ATP11B: variants seen among roughly 807,000 people sequenced by gnomAD.
ATP11B encodes the protein ATPase phospholipid transporting 11B (putative).
Under a neutral mutation model 157.8 loss-of-function variants are expected in ATP11B, and 81 were observed. That is an observed-to-expected ratio of 0.51 (90% CI 0.43 to 0.62). The LOEUF is 0.62. Among genes scored for constraint, ATP11B ranks in the 20% least tolerant of loss-of-function variants. The pLI is 0.00. For synonymous variants in ATP11B, 451 were observed against 469.4 expected (o/e 0.96, Z 0.51); for missense variants, 1,165 against 1,402.2 (o/e 0.83, Z 2.70).
At chr3:182,914,120 ATTTATTAGCACTC>A in intron 29 of ATP11B, 126 bp downstream of exon 29, 1 of 1,514,216 alleles carries the variant, frequency 6.6e-7, no homozygotes, top group Non-Finnish European at 8.8e-7. Flanking sequence ...GAAGTCTGCT[ATTTATTAGCACTC>A]TTTGGTGGTA....
Position 182,920,747 on chromosome 3 carries a change from C to T in ATP11B, c.*2643C>T, listed in dbSNP as rs970843684. ...CAGCTTCAGCAGGCGTAGGCTCACC[C>T]TGGGCGGAGCAAAGTATGGGCCAGG... On this transcript the variant is annotated 3_prime_UTR_variant, in exon 30 of 30. Transcript: ENST00000323116. 2.0e-5 allele frequency: 3 copies of T among 152,262 alleles called. No individual in the cohort carries two copies. The highest frequency in any genetic ancestry group is 4.4e-5 in the Non-Finnish European group (3 of 68,068). The allele number at this position is 152,262 out of a possible 1,614,324, so 9.4% of individuals were successfully genotyped here.
chr3:182,878,780 C>T (rs1722224677), intron 19 of ATP11B, among the ~76,000 whole-genome samples: 2 of 152,154 alleles, frequency 1.3e-5, no homozygotes, highest in African/African-American at 2.4e-5. Flanking sequence ...TTATGCATAT[C>T]GTGAATCTTG....
intron 28 of ATP11B, among the ~76,000 whole-genome samples, chr3:182,907,100 A>G (rs1378122202): frequency 6.6e-6 from 1 of 152,040 alleles, no homozygotes; most frequent in Non-Finnish European, 1.5e-5. Context: ...CTCAAAAAAA[A>G]AAAAAAAGAA....
chr3:182,848,221 A>C (rs1425808397), intron 9 of ATP11B, among the ~76,000 whole-genome samples: 2 of 152,116 alleles, frequency 1.3e-5, no homozygotes, highest in Non-Finnish European at 2.9e-5. Flanking sequence ...TCAAGTAATA[A>C]ATTTTTCATT....
In ATP11B at chr3:182,913,906, T is replaced by C. The variant is rs1724968763; in HGVS notation, c.3364T>C (p.Cys1122Arg). The change falls in exon 29 of 30, where the codon TGT becomes CGT. Residue 1122 changes from cysteine to arginine, a missense_variant. By Grantham distance (180) the Cys-to-Arg change is radical. Coordinates refer to ENST00000323116, the MANE Select transcript of ATP11B (RefSeq NM_014616.3). ...AGIKCLDSMC[C>R]FPEGEAACAS... ...TATCAAGTGCTTGGACTCCATGTGCTGTTTCCCGGAAGGAGAAGCAGCGTG... is the reference window on the plus strand; with the variant it reads ...TATCAAGTGCTTGGACTCCATGTGCCGTTTCCCGGAAGGAGAAGCAGCGTG... The C allele has an allele frequency of 6.2e-7, 1 of 1,614,036 alleles. No individual in the cohort carries two copies. Among genetic ancestry groups the C allele is most frequent in the African/African-American group, 1.3e-5 (1 of 74,934 alleles).
chr3:182,802,606 G>C (rs894274313), intron 1 of ATP11B, among the ~76,000 whole-genome samples: 4 of 151,976 alleles, frequency 2.6e-5, no homozygotes, highest in African/African-American at 9.7e-5. Flanking sequence ...TGGCTCCTTC[G>C]CTCCTTTCAA....
intron 17 of ATP11B, among the ~76,000 whole-genome samples, chr3:182,871,832 T>C (rs1242708127): frequency 6.6e-6 from 1 of 152,146 alleles, no homozygotes; most frequent in African/African-American, 2.4e-5. Context: ...TTTTTTTTTT[T>C]TGAGACAGAG....
chr3:182,828,766 T>A (rs1413609778), intron 3 of ATP11B, among the ~76,000 whole-genome samples: 1 of 151,736 alleles, frequency 6.6e-6, no homozygotes, highest in African/African-American at 2.4e-5. Context: ...AATTTTCACC[T>A]TGTGCTTAAA....
intron 10 of ATP11B, among the ~76,000 whole-genome samples, chr3:182,852,689 C>G (rs1225171945): frequency 1.3e-5 from 2 of 152,228 alleles, no homozygotes; most frequent in East Asian, 3.8e-4. Flanking sequence ...CCTTACCCGT[C>G]TCCCGCATAT....
intron 7 of ATP11B, among the ~76,000 whole-genome samples, chr3:182,839,855 C>T (rs1371086187): frequency 2.0e-5 from 3 of 152,102 alleles, no homozygotes; most frequent in African/African-American, 4.8e-5. Flanking sequence ...TCAAGTGATC[C>T]GCCCACTTCA....
chr3:182,833,424 C>G (rs568709591), intron 4 of ATP11B, among the ~76,000 whole-genome samples: 2 of 152,262 alleles, frequency 1.3e-5, no homozygotes, highest in South Asian at 4.1e-4. Flanking sequence ...CTCCCAGGCT[C>G]AGGTGATCCT....
intron 17 of ATP11B, among the ~76,000 whole-genome samples, chr3:182,870,860 G>T (rs139191981): frequency 5.3e-5 from 8 of 151,046 alleles, no homozygotes; most frequent in Admixed American, 3.3e-4. Context: ...CATAGGAGGC[G>T]GAGCTTGCAG....
At chr3:182,861,237 G>C (rs190841992) in intron 12 of ATP11B, among the ~76,000 whole-genome samples, 2 of 151,934 alleles carry the variant, frequency 1.3e-5, no homozygotes, top group Admixed American at 6.6e-5. Context: ...GGCTAATTTT[G>C]TATTTTTAGT....
chr3:182,880,979 T>C lies in ATP11B; in HGVS notation c.2507T>C (p.Ile836Thr). Residue 836 changes from isoleucine to threonine, a missense_variant and splice_region_variant, in exon 21 of 30, where the codon ATA becomes ACA. Ile to Thr is a moderately conservative substitution (Grantham distance 89, BLOSUM62 -1). This residue lies in a region of ATP11B where 737 missense variants were observed against 930.5 expected (regional missense o/e 0.79). Transcript: ENST00000323116. ...ATGATACAAGAAGCCCATGTTGGCA[T>C]AGGTGATTGATTCTTCCTGAAAAGT... ...VSMIQEAHVG[I>T]GIMGKEGRQA... 2 of 1,582,558 alleles carry C rather than the reference T, an allele frequency of 1.3e-6. No homozygotes were observed. The highest frequency in any genetic ancestry group is 1.7e-6 in the Non-Finnish European group (2 of 1,168,220).
At chr3:182,811,345 T>C (rs1292897548) in intron 1 of ATP11B, among the ~76,000 whole-genome samples, 1 of 152,196 alleles carries the variant, frequency 6.6e-6, no homozygotes, top group Admixed American at 6.5e-5. Flanking sequence ...TTCAAAGGGA[T>C]TTTTGCAAAC....
chr3:182,905,665 G>A (rs1724294344), intron 28 of ATP11B: 1 of 415,678 alleles, frequency 2.4e-6, no homozygotes, highest in Non-Finnish European at 4.9e-6. Context: ...GACAGTAAAT[G>A]TACTGTTCTT....
intron 21 of ATP11B, among the ~76,000 whole-genome samples, 182 bp downstream of exon 21, chr3:182,881,163 T>A (rs1291765719): frequency 6.6e-6 from 1 of 152,154 alleles, no homozygotes; most frequent in Non-Finnish European, 1.5e-5. Context: ...AGGCCGGGCG[T>A]GGTGGCTCAC....
At chr3:182,882,565 T>C (rs1213131173) in intron 21 of ATP11B, among the ~76,000 whole-genome samples, 1 of 151,200 alleles carries the variant, frequency 6.6e-6, no homozygotes, top group Non-Finnish European at 1.5e-5. Flanking sequence ...AAATTCAAGA[T>C]GGATTAGGAT....
At position 182,898,590 on chromosome 3, in the gene ATP11B, AT is replaced by A. The variant is rs759547968; in HGVS notation, c.3153-13del. The stretch of plus-strand genomic sequence containing the variant: ...TTCAGTTTCCACTTTTATTAAGCAC[AT>A]TTTCTTTCTTTGCAGGCCATTTTTG... On this transcript the variant is annotated splice_polypyrimidine_tract_variant and intron_variant, in intron 27 of 29. Coordinates refer to ENST00000323116, the MANE Select transcript of ATP11B (RefSeq NM_014616.3). 9 of 1,574,198 alleles carry A rather than the reference AT, an allele frequency of 5.7e-6. No individual in the cohort carries two copies. In the African/African-American group the frequency reaches 1.2e-4, roughly 22 times the overall value.
Sources: allele counts gnomAD v4.1 joint callset (sites outside exome capture counted in the v4.1 genomes callset), GRCh38; gene constraint gnomAD v4.1.1; regional missense constraint gnomAD v4.1.1; transcripts MANE v1.5; gene names NCBI Gene and HGNC (gene_info 2026-07-23, HGNC 2026-07-21).